LPIN1: variants seen among roughly 807,000 people sequenced by gnomAD.
LPIN1 encodes phosphatidate phosphatase LPIN1.
A neutral mutation model predicts 107.5 loss-of-function variants in LPIN1; 71 were observed. That is an observed-to-expected ratio of 0.66 (90% CI 0.55 to 0.80). The LOEUF (loss-of-function observed/expected upper bound fraction) is 0.80, where lower values mean the gene tolerates loss of function less well. Ranked by LOEUF, LPIN1 falls within the 30% of genes least tolerant of loss-of-function variation. The pLI, the probability that LPIN1 is intolerant of heterozygous loss-of-function variation, is 0.00. For missense variants in LPIN1, 1,043 were observed against 1,160.6 expected (o/e 0.90, Z 1.47); for synonymous variants, 445 against 452.6 (o/e 0.98, Z 0.21).
intron 1 of LPIN1, among the ~76,000 whole-genome samples, chr2:11,753,915 C>T (rs897924571): frequency 1.3e-5 from 2 of 152,158 alleles, no homozygotes; most frequent in African/African-American, 4.8e-5. Context: ...GATGTGATCT[C>T]GGCGAACACC....
chr2:11,691,419 C>T (rs1299358356), intron 1 of LPIN1, among the ~76,000 whole-genome samples: 2 of 152,132 alleles, frequency 1.3e-5, no homozygotes, highest in Non-Finnish European at 2.9e-5. Flanking sequence ...TAGGAAATCC[C>T]TTCCCAGGAT....
chr2:11,773,212 A>G (rs1672136501), intron 4 of LPIN1, among the ~76,000 whole-genome samples: 1 of 152,236 alleles, frequency 6.6e-6, no homozygotes, highest in Non-Finnish European at 1.5e-5. Flanking sequence ...GCGTATGGTC[A>G]TTGAGTTATT....
chr2:11,711,547 C>T (rs748725755), intron 1 of LPIN1, among the ~76,000 whole-genome samples: 5 of 152,172 alleles, frequency 3.3e-5, no homozygotes, highest in Non-Finnish European at 7.3e-5. Flanking sequence ...ATTCATCCCT[C>T]TTGCTTTCCT....
chr2:11,813,372 C>T (rs1680018837), intron 17 of LPIN1, among the ~76,000 whole-genome samples: 1 of 151,794 alleles, frequency 6.6e-6, no homozygotes, highest in South Asian at 2.1e-4. Flanking sequence ...TATATCATAC[C>T]TTCTTTTTTT....
chr2:11,818,601 A>G (rs1459945285), intron 18 of LPIN1: 1 of 151,942 alleles, frequency 6.6e-6, no homozygotes, highest in African/African-American at 2.4e-5. Context: ...TAATGTGCAT[A>G]TTTGTTTTTT....
intron 1 of LPIN1, among the ~76,000 whole-genome samples, chr2:11,749,190 T>C (rs1667417781): frequency 6.6e-6 from 1 of 152,230 alleles, no homozygotes; most frequent in African/African-American, 2.4e-5. Flanking sequence ...TCACAGGTTC[T>C]TCATTCAGAA....
upstream of LPIN1, among the ~76,000 whole-genome samples, chr2:11,744,182 A>G (rs1666648498): frequency 6.6e-6 from 1 of 152,164 alleles, no homozygotes; most frequent in African/African-American, 2.4e-5. Flanking sequence ...AAGATTACTC[A>G]TCCCTGGAGT....
At chr2:11,756,375 C>T (rs548307913) in intron 1 of LPIN1, among the ~76,000 whole-genome samples, 5 of 152,086 alleles carry the variant, frequency 3.3e-5, no homozygotes, top group Non-Finnish European at 5.9e-5. Context: ...AATTCAAATC[C>T]CTTTATTTAT....
chr2:11,730,279 G>A (rs1299458595), intron 1 of LPIN1, among the ~76,000 whole-genome samples: 1 of 152,122 alleles, frequency 6.6e-6, no homozygotes, highest in African/African-American at 2.4e-5. Context: ...AGCCCGCTGA[G>A]GCCGTTGCTC....
Position 11,826,559 on chromosome 2 carries a change from C to T in LPIN1, c.*1768C>T, listed in dbSNP as rs1014102684. On this transcript the variant is annotated 3_prime_UTR_variant, in exon 21 of 21. Coordinates refer to ENST00000674199, the MANE Select transcript of LPIN1 (RefSeq NM_001349206.2). ...AAAAGTCCTGCCTTAACTAACTCCT[C>T]TGCGCTTGTTCACTAGTAACCTAAA... 2.0e-5 allele frequency: 3 copies of T among 148,452 alleles called. No individual in the cohort carries two copies. The highest frequency in any genetic ancestry group is 2.5e-5 in the African/African-American group (1 of 40,168). The allele number at this position is 148,452 out of a possible 1,614,324, so 9.2% of individuals were successfully genotyped here. A position where few individuals can be genotyped will look rare whatever the true frequency, so the allele number is the denominator to read the frequency against.
At chr2:11,801,074 G>A (rs1677646944) in intron 14 of LPIN1, among the ~76,000 whole-genome samples, 1 of 152,214 alleles carries the variant, frequency 6.6e-6, no homozygotes, top group Non-Finnish European at 1.5e-5. Flanking sequence ...ACCCCAGTTA[G>A]CATGGCTATT....
rs766661861 is a variant in LPIN1, at chr2:11,773,681, G to C, written c.658G>C (p.Ala220Pro). The C allele has an allele frequency of 6.2e-7, 1 of 1,612,930 alleles. No homozygotes were observed. The highest frequency in any genetic ancestry group is 8.5e-7 in the Non-Finnish European group (1 of 1,179,162). Residue 220 changes from alanine to proline, a missense_variant, in exon 5 of 21, where the codon GCT becomes CCT. Ala to Pro is a conservative substitution (Grantham distance 27). Coordinates refer to ENST00000674199, the MANE Select transcript of LPIN1 (RefSeq NM_001349206.2). The stretch of plus-strand genomic sequence containing the variant: ...TATTCCTGAGGAAAACCTCTCCCTG[G>C]CTGTGATTTACCCTCAGTCAGCCTC... ...DDIPEENLSL[A>P]VIYPQSASYP...
intron 13 of LPIN1, among the ~76,000 whole-genome samples, chr2:11,793,243 G>C (rs1676095387): frequency 6.6e-6 from 1 of 152,138 alleles, no homozygotes; most frequent in African/African-American, 2.4e-5. Flanking sequence ...TCCCACACCA[G>C]GTCCTATCAG....
chr2:11,802,844 T>C, intron 14 of LPIN1, 63 bp from the exon 15 acceptor site: 2 of 1,592,142 alleles, frequency 1.3e-6, no homozygotes, highest in Non-Finnish European at 1.7e-6. Context: ...TAAAGGCTAA[T>C]GCATTTTTCA....
chr2:11,784,668 A>C, intron 9 of LPIN1: 1 of 628,820 alleles, frequency 1.6e-6, no homozygotes, highest in Non-Finnish European at 2.9e-6. Flanking sequence ...AGGGGGATAC[A>C]GGGAGATGCA....
chr2:11,785,133 G>A (rs1016955776), intron 10 of LPIN1, 57 bp downstream of exon 10: 14 of 1,354,294 alleles, frequency 1.0e-5, no homozygotes, highest in Non-Finnish European at 1.4e-5. Flanking sequence ...AGGCGCAGAG[G>A]CTTAGGCTTC....
chr2:11,714,547 C>G (rs953835604), intron 2 of LPIN1, among the ~76,000 whole-genome samples: 15 of 152,206 alleles, frequency 9.9e-5, no homozygotes, highest in African/African-American at 3.6e-4. Context: ...CCTTTCTCCT[C>G]GGGCCTTCAC....
chr2:11,746,379 T>G (rs1266413677), upstream of LPIN1, among the ~76,000 whole-genome samples: 1 of 152,110 alleles, frequency 6.6e-6, no homozygotes, highest in African/African-American at 2.4e-5. Flanking sequence ...GTCAGAGTGT[T>G]GAAGAAACAC....
chr2:11,691,670 C>T (rs1662280378), intron 1 of LPIN1, among the ~76,000 whole-genome samples: 1 of 152,128 alleles, frequency 6.6e-6, no homozygotes, highest in African/African-American at 2.4e-5. Context: ...GGGGGTGATT[C>T]AAAATACAAG....
Sources: gnomAD v4.1 joint callset for allele counts (sites outside exome capture counted in the v4.1 genomes callset) on GRCh38, gnomAD v4.1.1 for gene constraint, MANE v1.5 for transcripts, NCBI Gene and HGNC (gene_info 2026-07-23, HGNC 2026-07-21) for gene names.